MYO1B: variants seen among roughly 807,000 people sequenced by gnomAD.
The protein encoded by MYO1B is unconventional myosin-Ib.
MYO1B carries 72 observed loss-of-function variants against 159.7 expected under a neutral mutation model. That is an observed-to-expected ratio of 0.45 (90% CI 0.37 to 0.55). The LOEUF is 0.55. Among genes scored for constraint, MYO1B ranks in the 20% least tolerant of loss-of-function variants. The pLI is 0.00. For missense variants in MYO1B, 1,062 were observed against 1,364.8 expected (o/e 0.78, Z 3.50); for synonymous variants, 468 against 473.8 (o/e 0.99, Z 0.16).
intron 17 of MYO1B, chr2:191,387,773 T>A: frequency 2.9e-6 from 1 of 346,626 alleles, no homozygotes; most frequent in Non-Finnish European, 5.4e-6. Flanking sequence ...AATGCAAGTG[T>A]TTTTTCTGGT....
At chr2:191,348,502 T>C (rs1000055508) in intron 6 of MYO1B, among the ~76,000 whole-genome samples, 1 of 152,084 alleles carries the variant, frequency 6.6e-6, no homozygotes, top group African/African-American at 2.4e-5. Flanking sequence ...ATTCTTTCCC[T>C]CCTTTGTAGC....
intron 7 of MYO1B, 132 bp downstream of exon 7, chr2:191,350,357 C>G: frequency 3.5e-6 from 2 of 568,568 alleles, no homozygotes; most frequent in South Asian, 2.8e-5. Context: ...AGACTTTAAG[C>G]TTTGCATTTC....
chr2:191,366,759 A>G (rs1039164580), intron 11 of MYO1B, among the ~76,000 whole-genome samples: 1 of 151,868 alleles, frequency 6.6e-6, no homozygotes, highest in Non-Finnish European at 1.5e-5. Flanking sequence ...CCCCCATGTC[A>G]TGCTCATTCT....
intron 1 of MYO1B, among the ~76,000 whole-genome samples, chr2:191,268,076 GACAA>G (rs1476621019): frequency 6.6e-6 from 1 of 152,230 alleles, no homozygotes; most frequent in Non-Finnish European, 1.5e-5. Context: ...GGGAAGAGCA[GACAA>G]ACAAACTCAC....
At chr2:191,383,001 A>G (rs561876293) in intron 14 of MYO1B, among the ~76,000 whole-genome samples, 2 of 152,336 alleles carry the variant, frequency 1.3e-5, no homozygotes, top group East Asian at 3.9e-4. Context: ...GCCCAGGGCC[A>G]GTGAAGTGCA....
chr2:191,290,630 C>T (rs1311255863), intron 2 of MYO1B, among the ~76,000 whole-genome samples: 1 of 152,188 alleles, frequency 6.6e-6, no homozygotes, highest in African/African-American at 2.4e-5. Flanking sequence ...GACATACATA[C>T]ACATACCTGG....
chr2:191,355,210 C>T (rs569188859), intron 7 of MYO1B, among the ~76,000 whole-genome samples: 174 of 152,346 alleles, frequency 1.1e-3, no homozygotes, highest in African/African-American at 4.0e-3. Flanking sequence ...TTAGCCCAGA[C>T]GGCTGCCAGC....
intron 3 of MYO1B, among the ~76,000 whole-genome samples, chr2:191,301,519 C>T (rs1409620551): frequency 6.6e-6 from 1 of 152,170 alleles, no homozygotes; most frequent in Non-Finnish European, 1.5e-5. Context: ...AGTCATGCAA[C>T]ATAGAATTGA....
intron 1 of MYO1B, among the ~76,000 whole-genome samples, chr2:191,276,564 GT>G (rs1230782385): frequency 1.3e-5 from 2 of 151,986 alleles, no homozygotes; most frequent in South Asian, 2.1e-4. Flanking sequence ...GGTGGGTTAG[GT>G]TTTTTTTCCT....
At chr2:191,412,705 A>G (rs1313984471) in intron 27 of MYO1B, among the ~76,000 whole-genome samples, 2 of 152,252 alleles carry the variant, frequency 1.3e-5, no homozygotes, top group Non-Finnish European at 2.9e-5. Context: ...AATGAAGCTT[A>G]TAGATTCCTT....
intron 13 of MYO1B, among the ~76,000 whole-genome samples, chr2:191,378,785 A>T (rs1694869315): frequency 6.6e-6 from 1 of 152,066 alleles, no homozygotes; most frequent in South Asian, 2.1e-4. Flanking sequence ...TTCAAGCGGG[A>T]TTGGGGCAGT....
chr2:191,249,152 T>A (rs1336306009), intron 1 of MYO1B, among the ~76,000 whole-genome samples: 1 of 152,260 alleles, frequency 6.6e-6, no homozygotes, highest in Non-Finnish European at 1.5e-5. Flanking sequence ...AAGCCCTTTT[T>A]ATCTTACAGC....
intron 2 of MYO1B, among the ~76,000 whole-genome samples, chr2:191,282,616 A>G (rs1012683073): frequency 1.3e-5 from 2 of 152,220 alleles, no homozygotes; most frequent in Non-Finnish European, 2.9e-5. Context: ...GTGAACAGTA[A>G]TTAATAGAAT....
chr2:191,360,539 A>G lies in MYO1B; in HGVS notation c.563-92A>G, dbSNP rs534238199. On this transcript the variant is annotated intron_variant, in intron 7 of 30. Transcript: ENST00000392318. ...TATTATTTCATTTTATTACTGCAGA[A>G]TAGAAAGAAAAAAGAAAGTGAGAAG... The G allele has an allele frequency of 6.5e-6, 5 of 766,580 alleles. No individual in the cohort carries two copies. In the African/African-American group the frequency reaches 8.7e-5, roughly 13 times the overall value. 47.5% of individuals were successfully genotyped at this position (766,580 alleles called of 1,614,324 possible).
In MYO1B at chr2:191,416,270, T is replaced by C. The variant is rs1302106054; in HGVS notation, c.3287+28T>C. 3 of 1,611,512 alleles carry C rather than the reference T, an allele frequency of 1.9e-6. No individual in the cohort carries two copies. The Admixed American group carries it at 5.0e-5, about 27-fold the overall frequency. ...ACGTTCATGTATTGTTTGAAAACCC[T>C]TTTTCTCTTTCAGCTTTTTTGTTTT... On this transcript the variant is annotated intron_variant, in intron 30 of 30. Transcript: ENST00000392318.
chr2:191,274,850 A>G (rs894584363), intron 1 of MYO1B, among the ~76,000 whole-genome samples: 1 of 152,102 alleles, frequency 6.6e-6, no homozygotes, highest in Non-Finnish European at 1.5e-5. Flanking sequence ...CAAAATATAC[A>G]GAGCAGTTCT....
chr2:191,287,055 TG>T (rs1484535451), intron 2 of MYO1B, among the ~76,000 whole-genome samples: 4 of 152,236 alleles, frequency 2.6e-5, no homozygotes, highest in African/African-American at 9.6e-5. Context: ...AGTCCTGATT[TG>T]GCTCTTTACA....
At chr2:191,400,229 G>C (rs553798612) in intron 21 of MYO1B, among the ~76,000 whole-genome samples, 153 bp from the exon 22 acceptor site, 1 of 152,218 alleles carries the variant, frequency 6.6e-6, no homozygotes, top group South Asian at 2.1e-4. Context: ...CTCATAGTCA[G>C]TTTGGGGCTA....
chr2:191,280,024 C>G (rs984010778), intron 2 of MYO1B, among the ~76,000 whole-genome samples: 2 of 152,258 alleles, frequency 1.3e-5, no homozygotes, highest in African/African-American at 2.4e-5. Context: ...TCCTGCCATC[C>G]ATCTCCTCTT....
Sources: gnomAD v4.1 joint callset for allele counts (sites outside exome capture counted in the v4.1 genomes callset) on GRCh38, gnomAD v4.1.1 for gene constraint, MANE v1.5 for transcripts, NCBI Gene and HGNC (gene_info 2026-07-23, HGNC 2026-07-21) for gene names.